WIF1: variants seen among roughly 807,000 people sequenced by gnomAD.
WIF1 encodes the protein Wnt inhibitory factor 1.
A neutral mutation model predicts 53.5 loss-of-function variants in WIF1; 35 were observed. The ratio of observed to expected loss-of-function variants is 0.65; its 90% confidence interval spans 0.50 to 0.87. The LOEUF is 0.87. WIF1 is among the 40% of genes least tolerant of loss of function. The pLI is 0.00. For synonymous variants in WIF1, 171 were observed against 170.4 expected, an observed-to-expected ratio of 1.00 and a Z score of -0.03; for missense variants, 467 against 476.8, an observed-to-expected ratio of 0.98 and a Z score of 0.19.
chr12:65,060,637 A>G (rs1489111656), intron 7 of WIF1, among the ~76,000 whole-genome samples: 1 of 152,204 alleles, frequency 6.6e-6, no homozygotes. Flanking sequence ...TGGCTACACA[A>G]TCTTGTGAAT....
At chr12:65,112,834 A>G (rs958070503) in intron 2 of WIF1, among the ~76,000 whole-genome samples, 1 of 152,116 alleles carries the variant, frequency 6.6e-6, no homozygotes, top group African/African-American at 2.4e-5. Flanking sequence ...TCCCTTGCTG[A>G]TGGGACTCAT....
intron 9 of WIF1, among the ~76,000 whole-genome samples, chr12:65,052,424 T>A (rs947206482): frequency 1.3e-5 from 2 of 152,170 alleles, no homozygotes; most frequent in African/African-American, 4.8e-5. Context: ...CTGTGACCCA[T>A]GAAGCCCAAA....
chr12:65,088,834 G>C (rs998627185), intron 2 of WIF1, among the ~76,000 whole-genome samples: 1 of 151,944 alleles, frequency 6.6e-6, no homozygotes, highest in Non-Finnish European at 1.5e-5. Context: ...TGCGTCCTTA[G>C]AGAATGCATA....
intron 9 of WIF1, among the ~76,000 whole-genome samples, chr12:65,052,845 A>G (rs968134650): frequency 6.6e-6 from 1 of 152,160 alleles, no homozygotes; most frequent in Non-Finnish European, 1.5e-5. Context: ...AGGGCCCCTA[A>G]CTTGCCTTCC....
At chr12:65,114,351 TG>T (rs1883478084) in intron 2 of WIF1, among the ~76,000 whole-genome samples, 1 of 152,154 alleles carries the variant, frequency 6.6e-6, no homozygotes, top group South Asian at 2.1e-4. Context: ...AGGATGATTC[TG>T]TTTTTTATAA....
At chr12:65,057,894 C>T (rs1360463287) in intron 7 of WIF1, among the ~76,000 whole-genome samples, 1 of 152,068 alleles carries the variant, frequency 6.6e-6, no homozygotes, top group South Asian at 2.1e-4. Context: ...GGACTTTATT[C>T]ATATATAAGT....
intron 2 of WIF1, among the ~76,000 whole-genome samples, chr12:65,078,459 A>G (rs575525338): frequency 4.6e-5 from 7 of 152,284 alleles, no homozygotes; most frequent in African/African-American, 1.7e-4. Context: ...GAAATAGGTG[A>G]TGTCAAACCA....
At chr12:65,079,125 A>G (rs1240772053) in intron 2 of WIF1, among the ~76,000 whole-genome samples, 2 of 133,218 alleles carry the variant, frequency 1.5e-5, no homozygotes, top group African/African-American at 2.8e-5. Flanking sequence ...AGATAGCACC[A>G]TTGCACTCCA....
At chr12:65,080,544 C>T (rs1449227259) in intron 2 of WIF1, among the ~76,000 whole-genome samples, 1 of 152,132 alleles carries the variant, frequency 6.6e-6, no homozygotes, top group Non-Finnish European at 1.5e-5. Flanking sequence ...ACTTCTACCA[C>T]CTGCACTTCC....
intron 8 of WIF1, 45 bp downstream of exon 8, chr12:65,055,986 T>A (rs1448453003): frequency 6.4e-7 from 1 of 1,569,606 alleles, no homozygotes; most frequent in African/African-American, 1.4e-5. Flanking sequence ...CCTGCTAGTT[T>A]AACGACCTAG....
intron 2 of WIF1, among the ~76,000 whole-genome samples, chr12:65,079,790 T>C (rs771410688): frequency 1.3e-5 from 2 of 152,186 alleles, no homozygotes; most frequent in Non-Finnish European, 2.9e-5. Flanking sequence ...ATTAATTTAA[T>C]GTAATGAATT....
chr12:65,057,757 A>G (rs936182444), intron 7 of WIF1, among the ~76,000 whole-genome samples: 1 of 152,208 alleles, frequency 6.6e-6, no homozygotes, highest in African/African-American at 2.4e-5. Flanking sequence ...TTTATTGCCA[A>G]AGAAAGCTGC....
intron 9 of WIF1, among the ~76,000 whole-genome samples, chr12:65,052,790 G>A: frequency 6.6e-6 from 1 of 152,182 alleles, no homozygotes; most frequent in East Asian, 1.9e-4. Context: ...TGGGGGTGCT[G>A]TTTGGAGGCT....
intron 2 of WIF1, among the ~76,000 whole-genome samples, chr12:65,087,154 GA>G (rs1209668509): frequency 1.3e-5 from 2 of 151,886 alleles, no homozygotes; most frequent in Non-Finnish European, 2.9e-5. Context: ...CATCGCGGGG[GA>G]AAAAATAAAA....
chr12:65,112,961 T>G (rs2136294894), intron 2 of WIF1, among the ~76,000 whole-genome samples: 1 of 152,342 alleles, frequency 6.6e-6, no homozygotes, highest in South Asian at 2.1e-4. Context: ...GCCAATCCTG[T>G]ACTTCCTAAC....
intron 2 of WIF1, among the ~76,000 whole-genome samples, chr12:65,117,813 C>T (rs527576002): frequency 6.6e-6 from 1 of 152,144 alleles, no homozygotes; most frequent in Admixed American, 6.5e-5. Flanking sequence ...GTTCACACTC[C>T]TATGAGAATC....
At chr12:65,053,189 C>T (rs992606009) in intron 9 of WIF1, among the ~76,000 whole-genome samples, 9 of 152,172 alleles carry the variant, frequency 5.9e-5, no homozygotes, top group Non-Finnish European at 1.0e-4. Flanking sequence ...CAACCATTCC[C>T]ACTGTGTGAG....
intron 3 of WIF1, among the ~76,000 whole-genome samples, chr12:65,071,196 T>A (rs571117961): frequency 1.5e-5 from 2 of 132,840 alleles, no homozygotes; most frequent in South Asian, 4.7e-4. Context: ...ATAGAGCCAC[T>A]GCAGTCCAGC....
intron 2 of WIF1, among the ~76,000 whole-genome samples, chr12:65,095,539 C>T (rs1217725606): frequency 2.0e-5 from 3 of 151,936 alleles, no homozygotes; most frequent in Admixed American, 6.6e-5. Flanking sequence ...TTCAATAGTC[C>T]GTTTTATTTT....
Sources: gnomAD v4.1 joint callset for allele counts (sites outside exome capture counted in the v4.1 genomes callset) on GRCh38, gnomAD v4.1.1 for gene constraint, MANE v1.5 for transcripts, NCBI Gene and HGNC (gene_info 2026-07-23, HGNC 2026-07-21) for gene names.